Variants in CNTNAP2 observed in about 807,000 individuals in gnomAD.
The protein encoded by CNTNAP2 is contactin-associated protein-like 2.
Under a neutral mutation model 155.2 loss-of-function variants are expected in CNTNAP2, and 98 were observed. The ratio of observed to expected loss-of-function variants is 0.63; its 90% CI spans 0.54 to 0.75. CNTNAP2 has a LOEUF of 0.75. Ranked by LOEUF, CNTNAP2 falls within the 30% of genes least tolerant of loss-of-function variation. The probability of loss-of-function intolerance (pLI) is 0.00; values close to 1 mark genes in which losing one functional copy is unlikely to be tolerated. For synonymous variants in CNTNAP2, 651 were observed against 631.2 expected, an observed-to-expected ratio of 1.03 and a Z score of -0.47; for missense variants, 1,727 against 1,688.1, an observed-to-expected ratio of 1.02 and a Z score of -0.40.
chr7:146,896,625 C>T (rs1415539183), intron 3 of CNTNAP2, among the ~76,000 whole-genome samples: 1 of 151,914 alleles, frequency 6.6e-6, no homozygotes, highest in African/African-American at 2.4e-5. Flanking sequence ...AAAGCAATTG[C>T]AAATTTGCCA....
intron 1 of CNTNAP2, among the ~76,000 whole-genome samples, chr7:146,647,170 GA>G (rs1799826621): frequency 6.6e-6 from 1 of 152,110 alleles, no homozygotes; most frequent in African/African-American, 2.4e-5. Context: ...AGAGAAGGAG[GA>G]ATCCAGCAAT....
intron 12 of CNTNAP2, among the ~76,000 whole-genome samples, chr7:147,588,278 G>C (rs1436784004): frequency 6.6e-6 from 1 of 152,034 alleles, no homozygotes; most frequent in African/African-American, 2.4e-5. Context: ...TTTGTGAGAA[G>C]GGAAAAGATG....
At chr7:147,841,582 A>T (rs1158912598) in intron 13 of CNTNAP2, among the ~76,000 whole-genome samples, 1 of 152,202 alleles carries the variant, frequency 6.6e-6, no homozygotes, top group Non-Finnish European at 1.5e-5. Context: ...TATTTCACAA[A>T]GTTATTCACA....
At chr7:147,998,618 T>C (rs993759238) in intron 15 of CNTNAP2, among the ~76,000 whole-genome samples, 30 of 152,106 alleles carry the variant, frequency 2.0e-4, no homozygotes, top group South Asian at 2.1e-4. Flanking sequence ...TCCGTGGGGA[T>C]TGGTGGAGTG....
At chr7:146,824,058 C>T (rs1271242957) in intron 2 of CNTNAP2, among the ~76,000 whole-genome samples, 2 of 152,046 alleles carry the variant, frequency 1.3e-5, no homozygotes, top group Non-Finnish European at 2.9e-5. Context: ...CCTGACAGGC[C>T]CTGGTGTGTG....
intron 15 of CNTNAP2, among the ~76,000 whole-genome samples, chr7:148,080,604 CAAAA>C (rs199500286): frequency 1.9e-4 from 13 of 69,738 alleles, no homozygotes; most frequent in Admixed American, 1.3e-3. Flanking sequence ...GACTCCATCT[CAAAA>C]AAAAAAAAAA....
chr7:146,637,007 G>A (rs1005871407), intron 1 of CNTNAP2, among the ~76,000 whole-genome samples: 5 of 152,092 alleles, frequency 3.3e-5, no homozygotes, highest in African/African-American at 7.2e-5. Context: ...TCTAAACTTC[G>A]CAAATCTAAT....
chr7:147,289,762 A>G (rs1016971333), intron 8 of CNTNAP2, among the ~76,000 whole-genome samples: 1 of 152,156 alleles, frequency 6.6e-6, no homozygotes, highest in African/African-American at 2.4e-5. Context: ...TTAATTTTTA[A>G]TATGCTAAAA....
chr7:147,541,814 G>C (rs990390418), intron 11 of CNTNAP2, among the ~76,000 whole-genome samples: 2 of 152,154 alleles, frequency 1.3e-5, no homozygotes, highest in African/African-American at 4.8e-5. Context: ...GAAAAGAAAT[G>C]GAGCAATGCT....
intron 1 of CNTNAP2, among the ~76,000 whole-genome samples, chr7:146,432,277 T>C (rs1290281509): frequency 6.6e-6 from 1 of 152,138 alleles, no homozygotes; most frequent in Non-Finnish European, 1.5e-5. Context: ...TTTTATAGTT[T>C]TTCAATAGAA....
At chr7:148,333,582 G>T (rs1198033051) in intron 21 of CNTNAP2, among the ~76,000 whole-genome samples, 1 of 152,174 alleles carries the variant, frequency 6.6e-6, no homozygotes, top group Non-Finnish European at 1.5e-5. Context: ...AGAAATGATA[G>T]AAAACCTCAC....
At chr7:147,457,137 A>C (rs1797930137) in intron 10 of CNTNAP2, among the ~76,000 whole-genome samples, 1 of 152,168 alleles carries the variant, frequency 6.6e-6, no homozygotes. Flanking sequence ...GCCAAATATA[A>C]ATGCCTTTCA....
At chr7:148,415,359 G>A in intron 23 of CNTNAP2, 58 bp from the exon 24 acceptor site, 1 of 1,577,066 alleles carries the variant, frequency 6.3e-7, no homozygotes, top group Non-Finnish European at 8.7e-7. Context: ...AGTGGGGACA[G>A]TGTTGGAGGG....
At chr7:148,345,393 T>G (rs1270850511) in intron 21 of CNTNAP2, among the ~76,000 whole-genome samples, 1 of 152,050 alleles carries the variant, frequency 6.6e-6, no homozygotes, top group African/African-American at 2.4e-5. Flanking sequence ...GACAGAGCCT[T>G]GCTCTGTCAC....
intron 15 of CNTNAP2, among the ~76,000 whole-genome samples, chr7:147,995,296 T>A (rs984011726): frequency 6.6e-6 from 1 of 152,124 alleles, no homozygotes; most frequent in African/African-American, 2.4e-5. Context: ...CCTCCTGAAA[T>A]CTAACTTGGT....
At chr7:147,470,520 G>T (rs6943761) in intron 10 of CNTNAP2, among the ~76,000 whole-genome samples, 99,632 of 134,490 alleles carry the variant, frequency 0.74, 36,726 homozygotes, top group African/African-American at 0.82. Context: ...AGAGATGGTA[G>T]CTATGATAGT....
chr7:147,692,489 G>C (rs851720), intron 13 of CNTNAP2, among the ~76,000 whole-genome samples: 15,089 of 152,022 alleles, frequency 0.099, 1,268 homozygotes, highest in Admixed American at 0.2. Context: ...AATAAGAGCT[G>C]TCATTGCTTC....
chr7:147,588,872 C>T (rs1226520615), intron 12 of CNTNAP2, among the ~76,000 whole-genome samples: 2 of 152,130 alleles, frequency 1.3e-5, no homozygotes, highest in Non-Finnish European at 2.9e-5. Context: ...CATTGCCTTA[C>T]CTTAAGGCTT....
chr7:148,318,983 C>T (rs1020302183), intron 21 of CNTNAP2, among the ~76,000 whole-genome samples: 1 of 152,208 alleles, frequency 6.6e-6, no homozygotes, highest in Non-Finnish European at 1.5e-5. Context: ...GAATTACAAC[C>T]TCTTCTCCTG....
Sources: gnomAD v4.1 joint callset for allele counts (sites outside exome capture counted in the v4.1 genomes callset) on GRCh38, gnomAD v4.1.1 for gene constraint, MANE v1.5 for transcripts, NCBI Gene and HGNC (gene_info 2026-07-23, HGNC 2026-07-21) for gene names.